Variants in NREP observed in about 807,000 individuals in gnomAD.
NREP encodes the protein neuronal regeneration related protein, also known as neuronal regeneration-related protein.
In NREP, 5 loss-of-function variants were observed where a neutral mutation model predicts 8.6. The ratio of observed to expected loss-of-function variants is 0.58; its 90% confidence interval spans 0.30 to 1.22. The LOEUF (loss-of-function observed/expected upper bound fraction) is 1.22, where lower values mean the gene tolerates loss of function less well. Among genes scored for constraint, NREP ranks in the 50% most tolerant of loss-of-function variants. The pLI is 0.07. For synonymous variants in NREP, 27 were observed against 28.0 expected, an observed-to-expected ratio of 0.96 and a Z score of 0.11; for missense variants, 86 against 82.5, an observed-to-expected ratio of 1.04 and a Z score of -0.17.
At chr5:111,886,356 A>G (rs785345) in intron 2 of NREP, among the ~76,000 whole-genome samples, 147,637 of 151,150 alleles carry the variant, frequency 0.98, 72,143 homozygotes, top group East Asian at 1. Context: ...AAATAGGAAC[A>G]CTTTTACACT....
intron 2 of NREP, among the ~76,000 whole-genome samples, chr5:111,869,056 C>G (rs80160831): frequency 0.05 from 7,671 of 152,204 alleles, 475 homozygotes; most frequent in East Asian, 0.23. Flanking sequence ...CACTTAGAAC[C>G]TAGTAAGAAA....
intron 2 of NREP, among the ~76,000 whole-genome samples, chr5:111,876,275 G>A (rs1465729076): frequency 6.6e-6 from 1 of 152,088 alleles, no homozygotes; most frequent in Non-Finnish European, 1.5e-5. Context: ...AATTTCTAGG[G>A]CTGCTTTTGT....
At chr5:111,875,703 T>A (rs1753890768) in intron 2 of NREP, among the ~76,000 whole-genome samples, 3 of 152,220 alleles carry the variant, frequency 2.0e-5, no homozygotes, top group African/African-American at 7.2e-5. Context: ...ATTACACTTC[T>A]TACTAGTGGA....
intron 2 of NREP, among the ~76,000 whole-genome samples, chr5:111,769,971 G>A (rs987270343): frequency 1.6e-4 from 24 of 152,182 alleles, no homozygotes; most frequent in African/African-American, 4.8e-4. Flanking sequence ...GAAAGTAAGT[G>A]CAAAGGTACT....
At chr5:111,758,613 A>G (rs1750874647), upstream of NREP, among the ~76,000 whole-genome samples, 1 of 152,194 alleles carries the variant, frequency 6.6e-6, no homozygotes, top group Non-Finnish European at 1.5e-5. Context: ...AAAGGATCAT[A>G]GTGTCTTCTA....
chr5:111,818,692 C>A (rs1441138266), intron 2 of NREP, among the ~76,000 whole-genome samples: 2 of 152,080 alleles, frequency 1.3e-5, no homozygotes, highest in East Asian at 3.9e-4. Context: ...AGAAATGTAC[C>A]AAAGAAACAC....
intron 2 of NREP, among the ~76,000 whole-genome samples, chr5:111,851,405 T>G (rs1170209182): frequency 6.6e-6 from 1 of 152,144 alleles, no homozygotes; most frequent in African/African-American, 2.4e-5. Flanking sequence ...TTTCCTAAGG[T>G]TACCAAAGTC....
chr5:111,822,276 TG>T (rs1752529592), intron 2 of NREP, among the ~76,000 whole-genome samples: 1 of 152,198 alleles, frequency 6.6e-6, no homozygotes, highest in Non-Finnish European at 1.5e-5. Flanking sequence ...CAAGATTTGG[TG>T]TCACTTTTCC....
chr5:111,773,033 T>G (rs1223043393), intron 2 of NREP, among the ~76,000 whole-genome samples: 2 of 152,218 alleles, frequency 1.3e-5, no homozygotes, highest in Non-Finnish European at 2.9e-5. Flanking sequence ...ACTATAAACA[T>G]ACTTGTTCAT....
At chr5:111,784,647 G>A (rs543930618) in intron 2 of NREP, among the ~76,000 whole-genome samples, 77 of 152,068 alleles carry the variant, frequency 5.1e-4, no homozygotes, top group Non-Finnish European at 7.2e-4. Context: ...ATTTTTCTTC[G>A]GGACTTCTCA....
chr5:111,916,476 AG>A (rs1404215492), intron 2 of NREP, among the ~76,000 whole-genome samples: 11 of 152,128 alleles, frequency 7.2e-5, no homozygotes, highest in Admixed American at 6.6e-5. Context: ...TCCTAGATGG[AG>A]TACCCTATCA....
intron 3 of NREP, chr5:111,735,018 T>G: frequency 2.8e-6 from 1 of 361,506 alleles, no homozygotes. Flanking sequence ...TGTAACAGTT[T>G]TTTTGTTCCT....
upstream of NREP, chr5:111,758,360 CTTTT>C (rs1750865657): frequency 2.9e-6 from 2 of 697,428 alleles, no homozygotes; most frequent in Admixed American, 6.3e-5. Context: ...TGAAATTGTA[CTTTT>C]TAAAATCGAG....
chr5:111,740,396 A>G lies in NREP; in HGVS notation c.4-4889T>C, dbSNP rs541380371. Among the ~76,000 whole-genome samples, 398 of 152,228 alleles carry G rather than the reference A, an allele frequency of 2.6e-3. 3 individuals are homozygous for G. The highest frequency in any genetic ancestry group is 4.4e-3 in the Non-Finnish European group (300 of 67,996). ...TCTTGAATGTATTGATAGTTGGGTAAGTTTCAATATTCTATCACAGCATAC... is the reference window on the plus strand; with the variant it reads ...TCTTGAATGTATTGATAGTTGGGTAGGTTTCAATATTCTATCACAGCATAC... On this transcript the variant is annotated intron_variant, in intron 2 of 3. Coordinates refer to ENST00000257435, the MANE Select transcript of NREP (RefSeq NM_004772.4).
chr5:111,855,345 A>G (rs76691903), intron 2 of NREP, among the ~76,000 whole-genome samples: 1,647 of 152,314 alleles, frequency 0.011, 19 homozygotes, highest in Non-Finnish European at 0.017. Context: ...AATTTGTTCT[A>G]GGGATTATTA....
intron 2 of NREP, among the ~76,000 whole-genome samples, chr5:111,814,459 A>G (rs1752340073): frequency 1.3e-5 from 2 of 152,102 alleles, no homozygotes; most frequent in African/African-American, 4.8e-5. Flanking sequence ...AAAAACAACG[A>G]TTCCCCTCCA....
At chr5:111,850,137 G>T (rs1156577174) in intron 2 of NREP, among the ~76,000 whole-genome samples, 1 of 152,088 alleles carries the variant, frequency 6.6e-6, no homozygotes, top group East Asian at 1.9e-4. Flanking sequence ...CAAGTTCCGT[G>T]TCTACCTCTC....
intron 2 of NREP, among the ~76,000 whole-genome samples, chr5:111,766,601 A>G (rs1178423875): frequency 6.6e-6 from 1 of 152,140 alleles, no homozygotes; most frequent in Admixed American, 6.5e-5. Flanking sequence ...TGGATATCCA[A>G]AAATCTCTCT....
At chr5:111,877,698 G>C (rs545591959) in intron 2 of NREP, among the ~76,000 whole-genome samples, 23 of 152,286 alleles carry the variant, frequency 1.5e-4, no homozygotes, top group Non-Finnish European at 1.5e-5. Flanking sequence ...CCATTCCTAA[G>C]CTTTGTTCCA....
Sources: gnomAD v4.1 joint callset for allele counts (sites outside exome capture counted in the v4.1 genomes callset) on GRCh38, gnomAD v4.1.1 for gene constraint, MANE v1.5 for transcripts, NCBI Gene and HGNC (gene_info 2026-07-23, HGNC 2026-07-21) for gene names.